The following MOXD1 variants were observed in gnomAD, a reference collection of about 807,000 sequenced individuals.
MOXD1 encodes the protein monooxygenase DBH like 1.
In MOXD1, 62 loss-of-function variants were observed where a neutral mutation model predicts 66.6. The ratio of observed to expected loss-of-function variants is 0.93; its 90% CI spans 0.76 to 1.15. MOXD1 has a LOEUF of 1.15. Among genes scored for constraint, MOXD1 ranks in the 50% most tolerant of loss-of-function variants. The probability of loss-of-function intolerance (pLI) is 0.00; values close to 1 mark genes in which losing one functional copy is unlikely to be tolerated. For missense variants in MOXD1, 847 were observed against 754.6 expected (o/e 1.12, Z -1.44); for synonymous variants, 303 against 281.9 (o/e 1.07, Z -0.75).
At chr6:132,334,359 C>G (rs1168411289) in intron 4 of MOXD1, among the ~76,000 whole-genome samples, 1 of 152,160 alleles carries the variant, frequency 6.6e-6, no homozygotes, top group South Asian at 2.1e-4. Flanking sequence ...TCTTTCCTTT[C>G]CTGTTAGCTC....
intron 4 of MOXD1, among the ~76,000 whole-genome samples, chr6:132,343,836 A>G (rs1775613842): frequency 6.6e-6 from 1 of 152,288 alleles, no homozygotes; most frequent in Admixed American, 6.5e-5. Flanking sequence ...TCATACAATA[A>G]TAAAATGGAT....
chr6:132,316,194 T>C (rs1181050840), intron 9 of MOXD1, among the ~76,000 whole-genome samples: 1 of 151,788 alleles, frequency 6.6e-6, no homozygotes, highest in African/African-American at 2.4e-5. Context: ...GATTTCATAT[T>C]TTGAATCTAG....
At chr6:132,366,687 C>A (rs552777295) in intron 4 of MOXD1, among the ~76,000 whole-genome samples, 1 of 152,146 alleles carries the variant, frequency 6.6e-6, no homozygotes, top group East Asian at 1.9e-4. Flanking sequence ...AAAATAGAAA[C>A]CCTCTATCGC....
chr6:132,335,837 T>C (rs968745352), intron 4 of MOXD1, among the ~76,000 whole-genome samples: 2 of 152,232 alleles, frequency 1.3e-5, no homozygotes, highest in African/African-American at 4.8e-5. Context: ...CACGAACTCA[T>C]CAACTCATCA....
At chr6:132,326,201 G>A (rs1235675705) in intron 6 of MOXD1, among the ~76,000 whole-genome samples, 3 of 151,684 alleles carry the variant, frequency 2.0e-5, no homozygotes, top group African/African-American at 7.3e-5. Flanking sequence ...AACTTTTCTG[G>A]AAACAAATTC....
intron 4 of MOXD1, among the ~76,000 whole-genome samples, chr6:132,334,283 G>C (rs983208910): frequency 6.6e-6 from 1 of 152,138 alleles, no homozygotes; most frequent in Non-Finnish European, 1.5e-5. Context: ...TCCCACTTCA[G>C]CTACTGAATC....
intron 1 of MOXD1, among the ~76,000 whole-genome samples, chr6:132,386,243 A>G (rs112663248): frequency 2.1e-4 from 30 of 139,832 alleles, no homozygotes; most frequent in Admixed American, 3.8e-4. Context: ...TCTACTAAAA[A>G]TACAAAAAAT....
At chr6:132,307,882 A>G (rs1774730064) in intron 10 of MOXD1, among the ~76,000 whole-genome samples, 1 of 152,194 alleles carries the variant, frequency 6.6e-6, no homozygotes, top group Non-Finnish European at 1.5e-5. Context: ...CAAGAAGGAA[A>G]TTTATAGCAC....
chr6:132,319,110 A>C (rs536500143), intron 9 of MOXD1, among the ~76,000 whole-genome samples: 1 of 151,966 alleles, frequency 6.6e-6, no homozygotes, highest in East Asian at 1.9e-4. Context: ...TGTTCTTTTC[A>C]GTTTTGTCCT....
chr6:132,374,515 G>T (rs1289871489), intron 2 of MOXD1, 116 bp downstream of exon 2: 3 of 1,029,386 alleles, frequency 2.9e-6, no homozygotes, highest in Non-Finnish European at 2.6e-6. Flanking sequence ...AATCAAAAAA[G>T]ATTTCAAAAA....
At chr6:132,333,241 C>T (rs1775362931) in intron 4 of MOXD1, among the ~76,000 whole-genome samples, 1 of 147,276 alleles carries the variant, frequency 6.8e-6, no homozygotes, top group African/African-American at 2.6e-5. Flanking sequence ...GAGACTGAGG[C>T]AGGAGAATGG....
At chr6:132,393,119 C>T (rs1242558612) in intron 1 of MOXD1, among the ~76,000 whole-genome samples, 2 of 151,674 alleles carry the variant, frequency 1.3e-5, no homozygotes, top group Non-Finnish European at 2.9e-5. Context: ...TGAAAAATTA[C>T]CAACTGCTTC....
chr6:132,386,403 AAAAACAAAAC>A (rs1161699976), intron 1 of MOXD1, among the ~76,000 whole-genome samples: 11 of 147,438 alleles, frequency 7.5e-5, no homozygotes, highest in South Asian at 2.2e-4. Flanking sequence ...CTCCGTCTCA[AAAAACAAAAC>A]AAAACAAAAC....
rs1198296561 is a variant in MOXD1, at chr6:132,303,851, A to G, written c.1509-5896T>C. 9.8e-4 allele frequency among the ~76,000 whole-genome samples: 57 copies of G among 58,436 alleles called. No individual in the cohort carries two copies. The South Asian group carries it at 0.014, about 14-fold the overall frequency. 38.3% of individuals were successfully genotyped at this position (58,436 alleles called of 152,430 possible). A position where few individuals can be genotyped will look rare whatever the true frequency, so the allele number is the denominator to read the frequency against. ...TGTGTGTGTGTATATATATATATAT[A>G]TATATATATATATATATATATATAT... On this transcript the variant is annotated intron_variant, in intron 10 of 11. Coordinates refer to ENST00000367963, the MANE Select transcript of MOXD1 (RefSeq NM_015529.4).
rs77056613 is a variant in MOXD1, at chr6:132,337,004, A to G, written c.664-8410T>C. 1.1e-4 allele frequency among the ~76,000 whole-genome samples: 17 copies of G among 152,296 alleles called. No individual in the cohort carries two copies. In the East Asian group the frequency reaches 3.3e-3, roughly 29 times the overall value. ...CTCCAGGGATGATGTTTCTCAGCACATGAAAGAAGCCAGCATTCAGTGAGA... is the reference window on the plus strand; with the variant it reads ...CTCCAGGGATGATGTTTCTCAGCACGTGAAAGAAGCCAGCATTCAGTGAGA... On this transcript the variant is annotated intron_variant, in intron 4 of 11. Transcript: ENST00000367963.
chr6:132,328,962 T>C (rs1167448744), intron 4 of MOXD1, among the ~76,000 whole-genome samples: 1 of 152,194 alleles, frequency 6.6e-6, no homozygotes, highest in East Asian at 1.9e-4. Context: ...CTCTCACTTT[T>C]TTTTAAATTT....
chr6:132,374,926 T>C (rs1297717513), intron 1 of MOXD1, 149 bp from the exon 2 acceptor site: 1 of 750,076 alleles, frequency 1.3e-6, no homozygotes, highest in Non-Finnish European at 2.2e-6. Flanking sequence ...AACTGGGGAA[T>C]CAGGTCCCTG....
In MOXD1 at chr6:132,388,077, C is replaced by T. The variant is rs117636596; in HGVS notation, c.264+13086G>A. On this transcript the variant is annotated intron_variant, in intron 1 of 11. Transcript: ENST00000367963. Reference sequence around the variant, plus strand: ...CAAAAATTACTATAATCTCTCCCACCTATATATTTAGTGGAGACCTTTCCC... The same window carrying T: ...CAAAAATTACTATAATCTCTCCCACTTATATATTTAGTGGAGACCTTTCCC... 5.9e-5 allele frequency among the ~76,000 whole-genome samples: 9 copies of T among 151,470 alleles called. 2 individuals are homozygous for T. Among genetic ancestry groups the T allele is most frequent in the Non-Finnish European group, 1.3e-4 (9 of 67,692 alleles).
intron 4 of MOXD1, among the ~76,000 whole-genome samples, chr6:132,332,499 G>T (rs1428657206): frequency 6.6e-6 from 1 of 152,180 alleles, no homozygotes; most frequent in East Asian, 1.9e-4. Flanking sequence ...CTGAAAAATA[G>T]AAGAATAATT....
Sources: allele counts gnomAD v4.1 joint callset (sites outside exome capture counted in the v4.1 genomes callset), GRCh38; gene constraint gnomAD v4.1.1; transcripts MANE v1.5; gene names NCBI Gene and HGNC (gene_info 2026-07-23, HGNC 2026-07-21).